Variants in COA1 observed in about 807,000 individuals in gnomAD.
COA1 encodes the protein cytochrome c oxidase assembly factor 1 homolog.
Under a neutral mutation model 16.0 loss-of-function variants are expected in COA1, and 13 were observed. The ratio of observed to expected loss-of-function variants is 0.81; its 90% CI spans 0.53 to 1.29. COA1 has a LOEUF of 1.29. Among genes scored for constraint, COA1 ranks in the 50% most tolerant of loss-of-function variants. COA1 has a pLI of 0.00. For missense variants in COA1, 179 were observed against 177.0 expected (o/e 1.01, Z -0.06); for synonymous variants, 65 against 65.7 (o/e 0.99, Z 0.05).
chr7:43,723,394 C>T (rs1473770360), intron 1 of COA1, among the ~76,000 whole-genome samples: 1 of 152,166 alleles, frequency 6.6e-6, no homozygotes, highest in Non-Finnish European at 1.5e-5. Flanking sequence ...TGGTCATCTC[C>T]TAATCTTCAA....
chr7:43,691,265 A>AAAAGAAAAGAAAGAAAGAAAG (rs1554541882), intron 1 of COA1, among the ~76,000 whole-genome samples: 1 of 45,904 alleles, frequency 2.2e-5, no homozygotes, highest in African/African-American at 9.1e-5. Context: ...AGAAAGAAAG[A>AAAAGAAAAGAAAGAAAGAAAG]AAAGAAAGAA....
intron 1 of COA1, among the ~76,000 whole-genome samples, chr7:43,673,685 C>G (rs2093377397): frequency 6.6e-6 from 1 of 152,202 alleles, no homozygotes; most frequent in South Asian, 2.1e-4. Context: ...CATAAAGACA[C>G]ATGCACACGT....
At chr7:43,676,999 T>C (rs774134879) in intron 1 of COA1, among the ~76,000 whole-genome samples, 1 of 152,230 alleles carries the variant, frequency 6.6e-6, no homozygotes, top group Non-Finnish European at 1.5e-5. Context: ...ATGGTTGTCC[T>C]TGCCAACTGT....
At chr7:43,721,204 C>T (rs543741148) in intron 1 of COA1, among the ~76,000 whole-genome samples, 105 of 152,174 alleles carry the variant, frequency 6.9e-4, no homozygotes, top group Non-Finnish European at 1.1e-3. Context: ...TACTTTTATC[C>T]ATAGACTGCT....
intron 4 of COA1, among the ~76,000 whole-genome samples, chr7:43,642,779 G>A (rs1434724838): frequency 2.0e-5 from 3 of 152,164 alleles, no homozygotes; most frequent in Admixed American, 2.0e-4. Flanking sequence ...GTTGGTCACT[G>A]GTGACTATCT....
chr7:43,623,353 A>G, intron 6 of COA1: 1 of 508,472 alleles, frequency 2.0e-6, no homozygotes, highest in Non-Finnish European at 3.4e-6. Flanking sequence ...AATACTAGGG[A>G]CTCAACAATG....
intron 1 of COA1, among the ~76,000 whole-genome samples, chr7:43,726,973 CATA>C (rs1332984722): frequency 1.9e-4 from 29 of 152,080 alleles, no homozygotes; most frequent in Admixed American, 1.8e-3. Context: ...GATTTGAAAC[CATA>C]ATATTTTCAA....
intron 1 of COA1, among the ~76,000 whole-genome samples, chr7:43,709,545 C>T (rs1286719172): frequency 1.3e-5 from 2 of 151,770 alleles, no homozygotes; most frequent in Admixed American, 6.6e-5. Flanking sequence ...CCGTTCTGCA[C>T]GTTATCTTTA....
chr7:43,710,369 A>ATATATATATATAT (rs1391806809), intron 1 of COA1, among the ~76,000 whole-genome samples: 1 of 99,556 alleles, frequency 1.0e-5, no homozygotes, highest in Non-Finnish European at 2.1e-5. Flanking sequence ...AAAAAAAAAA[A>ATATATATATATAT]AAAAAAATAT....
At position 43,705,028 on chromosome 7, in the gene COA1, G is replaced by T. The variant is rs145756810; in HGVS notation, c.-39+24401C>A. Among the ~76,000 whole-genome samples the T allele has an allele frequency of 1.8e-3, 276 of 152,242 alleles. 2 individuals are homozygous for T. In the East Asian group the frequency reaches 0.021, roughly 11 times the overall value. ...CTGAAAGTTTGACTAATATTTGTTT[G>T]GTTTAGTCAACTGGCTTCATTGTGG... On this transcript the variant is annotated intron_variant, in intron 1 of 5. Coordinates refer to ENST00000223336, the MANE Select transcript of COA1 (RefSeq NM_018224.4).
intron 1 of COA1, among the ~76,000 whole-genome samples, chr7:43,714,158 A>G (rs183169513): frequency 6.6e-6 from 1 of 152,300 alleles, no homozygotes; most frequent in African/African-American, 2.4e-5. Context: ...ACTGCACTCC[A>G]GCCTGGGTGA....
chr7:43,645,727 C>T, intron 3 of COA1: 1 of 215,238 alleles, frequency 4.6e-6, no homozygotes, highest in South Asian at 6.3e-5. Context: ...TCTAAGTTTC[C>T]TCTCAAGTCT....
intron 1 of COA1, among the ~76,000 whole-genome samples, chr7:43,699,206 G>C (rs2094623635): frequency 6.6e-6 from 1 of 151,720 alleles, no homozygotes; most frequent in African/African-American, 2.4e-5. Flanking sequence ...ACTTTTTCTG[G>C]ATTAAATCCA....
At chr7:43,699,951 A>G (rs1424311162) in intron 1 of COA1, among the ~76,000 whole-genome samples, 4 of 152,120 alleles carry the variant, frequency 2.6e-5, no homozygotes, top group Admixed American at 6.6e-5. Flanking sequence ...AAGTATACAT[A>G]TATCTTTATC....
At chr7:43,625,078 T>C in intron 6 of COA1, 2 of 354,344 alleles carry the variant, frequency 5.6e-6, no homozygotes, top group Admixed American at 8.8e-5. Flanking sequence ...AAGGGAGATG[T>C]TGGCACCTTT....
intron 6 of COA1, among the ~76,000 whole-genome samples, chr7:43,615,293 G>C (rs979009233): frequency 6.6e-6 from 1 of 151,818 alleles, no homozygotes; most frequent in Non-Finnish European, 1.5e-5. Context: ...CTCCCACCTC[G>C]GCCTCCCAAG....
intron 1 of COA1, among the ~76,000 whole-genome samples, chr7:43,659,334 T>C (rs6957612): frequency 0.43 from 65,932 of 152,114 alleles, 14,761 homozygotes; most frequent in African/African-American, 0.55. Context: ...AGTTGGAACT[T>C]AGTAATGATA....
chr7:43,647,545 G>T lies in COA1; in HGVS notation c.105C>A (p.Tyr35Ter). The change falls in exon 3 of 6, where the codon TAC becomes TAA. Residue 35 changes from tyrosine (Y) to a stop codon, truncating the protein, a stop_gained. Coordinates refer to ENST00000223336, the MANE Select transcript of COA1 (RefSeq NM_018224.4). LOFTEE classifies it high-confidence loss of function. Reference sequence around the variant, plus strand: ...TAGCAGGATACTTACTTTGAATGAGGTAATACACAATGGCAAAGCCCCCGG... The same window carrying T: ...TAGCAGGATACTTACTTTGAATGAGTTAATACACAATGGCAAAGCCCCCGG... ...FYAGGFAIVYYLIQKFHSRAL... is the reference protein window; with the variant it reads ...FYAGGFAIVY The T allele has an allele frequency of 6.2e-7, 1 of 1,612,296 alleles. No individual in the cohort carries two copies. The highest frequency in any genetic ancestry group is 1.1e-5 in the South Asian group (1 of 91,054).
chr7:43,675,666 T>C (rs2129900198), intron 1 of COA1, among the ~76,000 whole-genome samples: 1 of 152,234 alleles, frequency 6.6e-6, no homozygotes, highest in East Asian at 1.9e-4. Context: ...GTATATTAAT[T>C]ACAAACTTTA....
Sources: allele counts gnomAD v4.1 joint callset (sites outside exome capture counted in the v4.1 genomes callset), GRCh38; gene constraint gnomAD v4.1.1; transcripts MANE v1.5; gene names NCBI Gene and HGNC (gene_info 2026-07-23, HGNC 2026-07-21).